HDAC9: variants seen among roughly 807,000 people sequenced by gnomAD.
HDAC9 encodes MEF-2 interacting transcription repressor (MITR) protein.
A neutral mutation model predicts 139.4 loss-of-function variants in HDAC9; 41 were observed. The ratio of observed to expected loss-of-function variants is 0.29; its 90% CI spans 0.23 to 0.38. The LOEUF (loss-of-function observed/expected upper bound fraction) is 0.38, where lower values mean the gene tolerates loss of function less well. Among genes scored for constraint, HDAC9 ranks in the 10% least tolerant of loss-of-function variants. The pLI, the probability that HDAC9 is intolerant of heterozygous loss-of-function variation, is 1.00. For missense variants in HDAC9, 1,147 were observed against 1,297.0 expected (o/e 0.88, Z 1.78); for synonymous variants, 517 against 476.2 (o/e 1.09, Z -1.12).
chr7:18,211,760 A>G (rs1315416971), intron 2 of HDAC9, among the ~76,000 whole-genome samples: 3 of 152,116 alleles, frequency 2.0e-5, no homozygotes, highest in Non-Finnish European at 1.5e-5. Context: ...CATTGTGATT[A>G]TTGTGGTGAA....
chr7:18,118,726 C>A (rs544202783), intron 1 of HDAC9, among the ~76,000 whole-genome samples: 26 of 152,250 alleles, frequency 1.7e-4, no homozygotes, highest in African/African-American at 6.3e-4. Context: ...GCCTTCAAAT[C>A]CTTGTCTATT....
At chr7:18,096,525 A>G (rs1377844695) in intron 1 of HDAC9, among the ~76,000 whole-genome samples, 3 of 152,206 alleles carry the variant, frequency 2.0e-5, no homozygotes, top group Non-Finnish European at 4.4e-5. Context: ...TTTCACATCA[A>G]GCTCATGGAC....
At chr7:18,552,695 T>C (rs1306024042) in intron 2 of HDAC9, among the ~76,000 whole-genome samples, 1 of 152,218 alleles carries the variant, frequency 6.6e-6, no homozygotes, top group East Asian at 1.9e-4. Flanking sequence ...TGCCACAATG[T>C]ATATTTTCCT....
intron 22 of HDAC9, among the ~76,000 whole-genome samples, chr7:18,880,826 G>A (rs1188018203): frequency 9.3e-6 from 1 of 107,946 alleles, no homozygotes; most frequent in South Asian, 4.2e-4. Context: ...ATTTAAAAAA[G>A]AATAGTTAAT....
At chr7:18,446,244 AAAAT>A (rs1447139495) in intron 1 of HDAC9, among the ~76,000 whole-genome samples, 3 of 152,252 alleles carry the variant, frequency 2.0e-5, no homozygotes, top group African/African-American at 7.2e-5. Flanking sequence ...AAGATGGCCA[AAAAT>A]AAATAGTTTA....
intron 1 of HDAC9, among the ~76,000 whole-genome samples, chr7:18,108,130 C>T (rs928032588): frequency 6.6e-6 from 1 of 152,114 alleles, no homozygotes; most frequent in South Asian, 2.1e-4. Flanking sequence ...GATATGATAT[C>T]CTAGAACCTG....
chr7:18,696,376 TATA>T (rs1468172492), intron 12 of HDAC9, among the ~76,000 whole-genome samples: 2 of 148,460 alleles, frequency 1.3e-5, no homozygotes, highest in Non-Finnish European at 3.0e-5. Context: ...AATTATATAG[TATA>T]ATAACATATT....
intron 2 of HDAC9, among the ~76,000 whole-genome samples, chr7:18,196,495 T>G (rs1406666681): frequency 6.6e-6 from 1 of 152,144 alleles, no homozygotes; most frequent in Non-Finnish European, 1.5e-5. Context: ...GAATTGGCAT[T>G]GGTGGCTGAA....
At chr7:18,317,355 G>A (rs1185455049) in intron 1 of HDAC9, among the ~76,000 whole-genome samples, 3 of 151,926 alleles carry the variant, frequency 2.0e-5, no homozygotes, top group African/African-American at 4.8e-5. Flanking sequence ...ATTAGTCATG[G>A]CTCTCTGATT....
chr7:18,161,919 A>G (rs1787654461), intron 1 of HDAC9, among the ~76,000 whole-genome samples: 1 of 152,236 alleles, frequency 6.6e-6, no homozygotes, highest in South Asian at 2.1e-4. Context: ...TGATAATAGC[A>G]AACAAATTAT....
chr7:18,489,666 G>A (rs557343444), intron 1 of HDAC9, among the ~76,000 whole-genome samples: 20 of 152,094 alleles, frequency 1.3e-4, no homozygotes, highest in African/African-American at 4.8e-4. Flanking sequence ...TTCAGGGCTT[G>A]CACTGTGGCT....
Position 18,090,856 on chromosome 7 carries a change from T to A in HDAC9, c.-97+3643T>A, listed in dbSNP as rs893979576. ...ATATCTGAATAAATCAGACTTTTTT[T>A]AAAAAAAAGAAAAGGACAGAAACTT... On this transcript the variant is annotated intron_variant, in intron 1 of 12. Coordinates refer to the HDAC9 transcript ENST00000417496. 2.2e-4 allele frequency among the ~76,000 whole-genome samples: 34 copies of A among 152,106 alleles called. 1 individual carries two copies. The highest frequency in any genetic ancestry group is 1.4e-3 in the Admixed American group (21 of 15,284).
intron 1 of HDAC9, among the ~76,000 whole-genome samples, chr7:18,486,325 C>G (rs1795972977): frequency 6.6e-6 from 1 of 152,108 alleles, no homozygotes; most frequent in Admixed American, 6.6e-5. Context: ...ATATCTGAAG[C>G]CAAAGTTTCC....
chr7:18,827,943 G>C (rs1795576613), intron 17 of HDAC9, among the ~76,000 whole-genome samples: 1 of 151,968 alleles, frequency 6.6e-6, no homozygotes, highest in Admixed American at 6.6e-5. Context: ...ATTACCATCA[G>C]AGCGATAGTA....
At chr7:18,764,487 C>T (rs1789654492) in intron 15 of HDAC9, among the ~76,000 whole-genome samples, 1 of 152,114 alleles carries the variant, frequency 6.6e-6, no homozygotes, top group South Asian at 2.1e-4. Flanking sequence ...CTTCTCTTTC[C>T]CTAGTGTATC....
intron 2 of HDAC9, among the ~76,000 whole-genome samples, chr7:18,560,600 G>A (rs909320885): frequency 8.5e-5 from 13 of 152,206 alleles, no homozygotes; most frequent in East Asian, 5.8e-4. Flanking sequence ...TGGAATATGC[G>A]TTTTTCTCTT....
chr7:18,917,816 T>G (rs1261705198), intron 22 of HDAC9, among the ~76,000 whole-genome samples: 1 of 151,934 alleles, frequency 6.6e-6, no homozygotes, highest in Non-Finnish European at 1.5e-5. Flanking sequence ...GAGATGAAAT[T>G]CAGGCCCCCA....
chr7:18,781,370 A>C (rs1382964197), intron 16 of HDAC9, among the ~76,000 whole-genome samples: 4 of 152,056 alleles, frequency 2.6e-5, no homozygotes, highest in Admixed American at 2.6e-4. Context: ...TGGTCAAGTT[A>C]CTTAACCTCT....
At chr7:18,691,319 A>ATGC (rs1369174038) in intron 12 of HDAC9, among the ~76,000 whole-genome samples, 3 of 152,084 alleles carry the variant, frequency 2.0e-5, no homozygotes, top group Admixed American at 6.6e-5. Flanking sequence ...CTAACAGACA[A>ATGC]TAATCCAGAA....
Sources: allele counts gnomAD v4.1 joint callset (sites outside exome capture counted in the v4.1 genomes callset), GRCh38; gene constraint gnomAD v4.1.1; transcripts MANE v1.5; gene names NCBI Gene and HGNC (gene_info 2026-07-23, HGNC 2026-07-21).